The following SMARCB1 variants were observed in gnomAD, a reference collection of about 807,000 sequenced individuals.
SMARCB1 encodes the protein SWI/SNF related BAF chromatin remodeling complex subunit B1.
A neutral mutation model predicts 49.0 loss-of-function variants in SMARCB1; 5 were observed. That is an observed-to-expected ratio of 0.10 (90% confidence interval 0.05 to 0.21). SMARCB1 has a LOEUF of 0.21. Ranked by LOEUF, SMARCB1 falls within the 10% of genes least tolerant of loss-of-function variation. The pLI, the probability that SMARCB1 is intolerant of heterozygous loss-of-function variation, is 1.00. For synonymous variants in SMARCB1, 201 were observed against 200.1 expected (o/e 1.00, Z -0.04); for missense variants, 226 against 509.2 (o/e 0.44, Z 5.35).
intron 6 of SMARCB1, chr22:23,824,907 G>A: frequency 2.1e-6 from 1 of 470,844 alleles, no homozygotes; most frequent in Non-Finnish European, 3.9e-6. Flanking sequence ...GCGAAGGGCA[G>A]AAAGGAAGGT....
chr22:23,799,931 G>A (rs529895921), intron 3 of SMARCB1, among the ~76,000 whole-genome samples: 9 of 151,514 alleles, frequency 5.9e-5, no homozygotes, highest in East Asian at 5.9e-4. Flanking sequence ...TGATCTGCCC[G>A]CGTCGGCCTC....
intron 5 of SMARCB1, chr22:23,804,078 T>G (rs1483324687): frequency 6.6e-6 from 1 of 152,646 alleles, no homozygotes; most frequent in East Asian, 1.9e-4. Context: ...ATTTTATGAT[T>G]ACTGTTTTTT....
At chr22:23,832,220 C>T (rs1323058414) in intron 7 of SMARCB1, among the ~76,000 whole-genome samples, 4 of 145,322 alleles carry the variant, frequency 2.8e-5, no homozygotes, top group Admixed American at 2.0e-4. Context: ...TTGAGCCACC[C>T]ACTACAGGGA....
intron 6 of SMARCB1, among the ~76,000 whole-genome samples, chr22:23,819,015 ATTTTTTGTATT>A (rs1361871736): frequency 6.6e-6 from 1 of 151,366 alleles, no homozygotes; most frequent in African/African-American, 2.4e-5. Flanking sequence ...CACCCGACTG[ATTTTTTGTATT>A]TTTTTTGTAG....
intron 6 of SMARCB1, among the ~76,000 whole-genome samples, chr22:23,822,957 CTTTTTTTTT>C (rs58056758): frequency 1.4e-5 from 1 of 72,690 alleles, no homozygotes; most frequent in African/African-American, 5.1e-5. Flanking sequence ...ACCAGCATAG[CTTTTTTTTT>C]TTTTTTTTTT....
Position 23,836,488 on chromosome 22 carries a change from C to A in SMARCB1, c.*2308C>A. ...AGAGGCCTATGGTGGGCAGGACTTG[C>A]CCAAGGCCCTGGTGGGGCCAGGATG... On this transcript the variant is annotated 3_prime_UTR_variant, in exon 9 of 9. Coordinates refer to ENST00000644036, the MANE Select transcript of SMARCB1 (RefSeq NM_003073.5). The A allele has an allele frequency of 4.0e-6, 4 of 1,005,772 alleles. No individual in the cohort carries two copies. Among genetic ancestry groups the A allele is most frequent in the Non-Finnish European group, 4.7e-6 (4 of 844,034 alleles). The allele number at this position is 1,005,772 out of a possible 1,614,324, so 62.3% of individuals were successfully genotyped here. A position where few individuals can be genotyped will look rare whatever the true frequency, so the allele number is the denominator to read the frequency against.
chr22:23,807,402 G>A (rs1214458858), intron 5 of SMARCB1, among the ~76,000 whole-genome samples: 7 of 151,970 alleles, frequency 4.6e-5, no homozygotes, highest in South Asian at 2.1e-4. Context: ...TGGGTGTCAC[G>A]GTGAAACCCC....
intron 6 of SMARCB1, 30 bp downstream of exon 6, chr22:23,816,966 C>T (rs1444802595): frequency 1.3e-6 from 2 of 1,597,674 alleles, no homozygotes; most frequent in Non-Finnish European, 1.7e-6. Context: ...GCACTGGAGC[C>T]TTCCTGGCCC....
chr22:23,790,700 G>T (rs952094106), intron 1 of SMARCB1, among the ~76,000 whole-genome samples: 1 of 152,006 alleles, frequency 6.6e-6, no homozygotes, highest in African/African-American at 2.4e-5. Flanking sequence ...AAAATTAGCC[G>T]GTTGTGGTGG....
rs535740600 is a variant in SMARCB1 at position 23,833,428 on chromosome 22, T to C, written c.987-144T>C. On this transcript the variant is annotated intron_variant, in intron 7 of 8. Coordinates refer to ENST00000644036, the MANE Select transcript of SMARCB1 (RefSeq NM_003073.5). The stretch of plus-strand genomic sequence containing the variant: ...GGCCCTGGCGCCTCCAGCAGCTCCC[T>C]TGAGGTTCAGGTGACTGGAGCATCC... The C allele has an allele frequency of 2.6e-6, 3 of 1,173,118 alleles. No individual in the cohort carries two copies. In the East Asian group the frequency reaches 7.1e-5, roughly 28 times the overall value. 72.7% of individuals were successfully genotyped at this position (1,173,118 alleles called of 1,614,324 possible).
At chr22:23,809,124 C>T (rs1324936618) in intron 5 of SMARCB1, among the ~76,000 whole-genome samples, 2 of 151,562 alleles carry the variant, frequency 1.3e-5, no homozygotes, top group Non-Finnish European at 2.9e-5. Flanking sequence ...TGAGCCACCG[C>T]GCCCAGCCAA....
At chr22:23,796,101 C>G (rs943645991) in intron 3 of SMARCB1, among the ~76,000 whole-genome samples, 2 of 152,000 alleles carry the variant, frequency 1.3e-5, no homozygotes, top group African/African-American at 2.4e-5. Context: ...CCGGGAGTGC[C>G]CTTTCTGTAA....
intron 3 of SMARCB1, among the ~76,000 whole-genome samples, chr22:23,800,479 C>G (rs1019363190): frequency 6.6e-6 from 1 of 152,158 alleles, no homozygotes; most frequent in Admixed American, 6.5e-5. Flanking sequence ...AGTCATCTCA[C>G]GGAGCATGTG....
chr22:23,824,622 C>G, intron 6 of SMARCB1: 1 of 157,724 alleles, frequency 6.3e-6, no homozygotes, highest in East Asian at 1.8e-4. Context: ...GACAGCACAC[C>G]CGGGGCCTGG....
chr22:23,824,999 C>T (rs1296488133), intron 6 of SMARCB1: 19 of 596,464 alleles, frequency 3.2e-5, no homozygotes, highest in South Asian at 7.8e-5. Flanking sequence ...CAGGGCCTCC[C>T]GAGGGTGACT....
In SMARCB1 at chr22:23,793,659, C is replaced by T. The variant is rs1601391182; in HGVS notation, c.333C>T (p.Ser111=). Residue 111 remains serine (S), a synonymous_variant, in exon 3 of 9, where the codon TCC becomes TCT. Coordinates refer to ENST00000644036, the MANE Select transcript of SMARCB1 (RefSeq NM_003073.5). ...ACGATGAGAAGTACAAGGCTGTGTCCATCAGCACAGAGCCCCCCACCTACC... is the reference window on the plus strand; with the variant it reads ...ACGATGAGAAGTACAAGGCTGTGTCTATCAGCACAGAGCCCCCCACCTACC... ...DGNDEKYKAV[S]ISTEPPTYLR... The T allele has an allele frequency of 6.2e-6, 10 of 1,614,164 alleles. No homozygotes were observed. The highest frequency in any genetic ancestry group is 8.5e-6 in the Non-Finnish European group (10 of 1,180,020).
At chr22:23,796,928 G>A (rs994827826) in intron 3 of SMARCB1, among the ~76,000 whole-genome samples, 3 of 152,200 alleles carry the variant, frequency 2.0e-5, no homozygotes, top group South Asian at 2.1e-4. Flanking sequence ...TCCTGTCATC[G>A]GACAATTTGA....
intron 1 of SMARCB1, 32 bp downstream of exon 1, chr22:23,787,294 G>C (rs1928053210): frequency 7.2e-7 from 1 of 1,388,746 alleles, no homozygotes. Context: ...CCCTCCCCGG[G>C]CTCGGCCCCG....
Position 23,794,795 on chromosome 22 carries a change from G to A in SMARCB1, c.362+1107G>A, listed in dbSNP as rs181752247. On this transcript the variant is annotated intron_variant, in intron 3 of 8. Transcript: ENST00000644036. ...TGCCTGTAATCCCAGCTACTCGGGAGCCTGAGGCAGGAGAATTGCTTGAAC... is the reference window on the plus strand; with the variant it reads ...TGCCTGTAATCCCAGCTACTCGGGAACCTGAGGCAGGAGAATTGCTTGAAC... Among the ~76,000 whole-genome samples, 23 of 152,250 alleles carry A rather than the reference G, an allele frequency of 1.5e-4. No individual in the cohort carries two copies. In the East Asian group the frequency reaches 4.4e-3, roughly 29 times the overall value.
Sources: gnomAD v4.1 joint callset for allele counts (sites outside exome capture counted in the v4.1 genomes callset) on GRCh38, gnomAD v4.1.1 for gene constraint, MANE v1.5 for transcripts, NCBI Gene and HGNC (gene_info 2026-07-23, HGNC 2026-07-21) for gene names.